BFSP1: variants seen among roughly 807,000 people sequenced by gnomAD.
BFSP1 encodes filensin.
Under a neutral mutation model 43.9 loss-of-function variants are expected in BFSP1, and 38 were observed. That is an observed-to-expected ratio of 0.87 (90% CI 0.67 to 1.14). The LOEUF (loss-of-function observed/expected upper bound fraction) is 1.14. Among genes scored for constraint, BFSP1 ranks in the 50% most tolerant of loss-of-function variants. The probability of loss-of-function intolerance (pLI) is 0.00; values close to 1 mark genes in which losing one functional copy is unlikely to be tolerated. For missense variants in BFSP1, 850 were observed against 875.1 expected (o/e 0.97, Z 0.36); for synonymous variants, 352 against 354.8 (o/e 0.99, Z 0.09).
At chr20:17,554,950 T>TA (rs2034965460) in intron 1 of BFSP1, among the ~76,000 whole-genome samples, 1 of 152,092 alleles carries the variant, frequency 6.6e-6, no homozygotes, top group African/African-American at 2.4e-5. Flanking sequence ...TATAATTAAC[T>TA]AAAAATCACA....
chr20:17,500,016 T>A (rs1351392057), intron 5 of BFSP1, among the ~76,000 whole-genome samples: 1 of 147,638 alleles, frequency 6.8e-6, no homozygotes, highest in Non-Finnish European at 1.5e-5. Flanking sequence ...ATAAATCTGA[T>A]AGCAAAAAAA....
chr20:17,494,122 A>C lies in BFSP1; in HGVS notation c.1950T>G (p.Ile650Met). The C allele has an allele frequency of 6.2e-7, 1 of 1,614,024 alleles. No individual in the cohort carries two copies. Among genetic ancestry groups the C allele is most frequent in the Non-Finnish European group, 8.5e-7 (1 of 1,179,986 alleles). ...EETAVIVETMIGKTKSDKKKS... is the reference protein window; with the variant it reads ...EETAVIVETMMGKTKSDKKKS... ...TCTTCTTGTCTGACTTTGTCTTTCCAATCATGGTCTCCACGATCACAGCGG... is the reference window on the plus strand; with the variant it reads ...TCTTCTTGTCTGACTTTGTCTTTCCCATCATGGTCTCCACGATCACAGCGG... The change falls in exon 8 of 8, where the codon ATT becomes ATG. Residue 650 changes from isoleucine (I) to methionine (M), a missense_variant. By Grantham distance (10) the Ile-to-Met change is conservative (BLOSUM62 1). Coordinates refer to ENST00000377873, the MANE Select transcript of BFSP1 (RefSeq NM_001195.5).
chr20:17,528,228 G>A (rs994248412), intron 1 of BFSP1, among the ~76,000 whole-genome samples: 1 of 152,136 alleles, frequency 6.6e-6, no homozygotes, highest in African/African-American at 2.4e-5. Flanking sequence ...TCTCCAAGGG[G>A]GCAAAGGGAG....
At position 17,496,987 on chromosome 20, in the gene BFSP1, C is replaced by G. The variant is rs1352109190; in HGVS notation, c.993G>C (p.Leu331=). ...TSAFIETPIP[L]FTQSHGVSLS... is the part of the protein sequence containing the mutation. ...GAGAGACTCCATGGCTCTGGGTGAA[C>G]AGGGGAATGGGAGTTTCAATGAAGG... Residue 331 remains leucine, a synonymous_variant, in exon 7 of 8, where the codon CTG becomes CTC. Coordinates refer to ENST00000377873, the MANE Select transcript of BFSP1 (RefSeq NM_001195.5). 1 of 1,543,772 alleles carries G rather than the reference C, an allele frequency of 6.5e-7. No homozygotes were observed. The highest frequency in any genetic ancestry group is 2.5e-5 in the East Asian group (1 of 39,986).
At chr20:17,526,511 T>A (rs1450479036) in intron 1 of BFSP1, among the ~76,000 whole-genome samples, 1 of 152,240 alleles carries the variant, frequency 6.6e-6, no homozygotes, top group Non-Finnish European at 1.5e-5. Flanking sequence ...TTACCTTCCT[T>A]TTTAAGGGTG....
chr20:17,529,105 C>T (rs111584116), intron 1 of BFSP1, among the ~76,000 whole-genome samples: 3,039 of 136,658 alleles, frequency 0.022, 43 homozygotes, highest in Middle Eastern at 0.04. Context: ...CAGAGTCTCA[C>T]TCTGTCACCC....
chr20:17,509,765 C>T (rs6080725), intron 4 of BFSP1, among the ~76,000 whole-genome samples: 46,410 of 152,102 alleles, frequency 0.31, 7,735 homozygotes, highest in African/African-American at 0.42. Context: ...AGGGAAGTGA[C>T]GCTCCAGGGA....
At chr20:17,535,776 A>C (rs1290586823), upstream of BFSP1, among the ~76,000 whole-genome samples, 2 of 152,216 alleles carry the variant, frequency 1.3e-5, no homozygotes, top group African/African-American at 4.8e-5. Context: ...TCACCTTTGC[A>C]GTATAGACAT....
chr20:17,552,587 C>T (rs1600683328), intron 1 of BFSP1, among the ~76,000 whole-genome samples: 1 of 152,118 alleles, frequency 6.6e-6, no homozygotes, highest in African/African-American at 2.4e-5. Context: ...GCCAAGAGAC[C>T]ATTGCAGTAA....
intron 1 of BFSP1, among the ~76,000 whole-genome samples, chr20:17,568,620 G>GA (rs2035150925): frequency 6.6e-6 from 1 of 152,122 alleles, no homozygotes. Context: ...TTTTCCAGGT[G>GA]ATTCTGATGC....
rs2034006658 is a variant in BFSP1, at chr20:17,508,876, G to C, written c.735+13C>G. On this transcript the variant is annotated intron_variant, in intron 5 of 7. Transcript: ENST00000377873. The stretch of plus-strand genomic sequence containing the variant: ...GGGAAGCCCCAATGCACACGCGGCA[G>C]ACTCGAGCGTACCTGTGCCTGCAGC... 11 of 1,559,972 alleles carry C rather than the reference G, an allele frequency of 7.1e-6. No individual in the cohort carries two copies. The highest frequency in any genetic ancestry group is 9.5e-6 in the Non-Finnish European group (11 of 1,155,144).
intron 4 of BFSP1, among the ~76,000 whole-genome samples, chr20:17,509,259 CT>C (rs1356034338): frequency 6.7e-5 from 10 of 148,946 alleles, no homozygotes; most frequent in Admixed American, 6.7e-4. Flanking sequence ...CCCCCACCCC[CT>C]GTCTGTCTGT....
At chr20:17,501,386 GAAAC>G (rs1275933079) in intron 5 of BFSP1, among the ~76,000 whole-genome samples, 4 of 152,162 alleles carry the variant, frequency 2.6e-5, no homozygotes, top group Non-Finnish European at 4.4e-5. Flanking sequence ...CCAACATGGT[GAAAC>G]ACCATCTCTA....
At chr20:17,502,422 C>T (rs990519738) in intron 5 of BFSP1, among the ~76,000 whole-genome samples, 1 of 152,168 alleles carries the variant, frequency 6.6e-6, no homozygotes, top group East Asian at 1.9e-4. Context: ...CAAAGCATCA[C>T]GGTCATGGAA....
At chr20:17,549,694 G>A (rs1251251341) in intron 1 of BFSP1, among the ~76,000 whole-genome samples, 5 of 152,086 alleles carry the variant, frequency 3.3e-5, no homozygotes, top group Non-Finnish European at 2.9e-5. Context: ...AAACTAGCCT[G>A]GCGTGGTGGC....
chr20:17,495,429 C>T (rs568197366), intron 7 of BFSP1, among the ~76,000 whole-genome samples: 3 of 152,332 alleles, frequency 2.0e-5, no homozygotes, highest in East Asian at 3.9e-4. Context: ...TCCACAGAAG[C>T]CCATTCCTCA....
chr20:17,512,097 A>C, intron 3 of BFSP1, 29 bp from the exon 4 acceptor site: 1 of 1,552,204 alleles, frequency 6.4e-7, no homozygotes, highest in Non-Finnish European at 8.9e-7. Flanking sequence ...CATTCTCATT[A>C]TAAGTTGAGC....
chr20:17,545,979 A>C (rs1406867514), intron 1 of BFSP1, among the ~76,000 whole-genome samples: 1 of 152,026 alleles, frequency 6.6e-6, no homozygotes, highest in African/African-American at 2.4e-5. Flanking sequence ...CTTCCAATAA[A>C]CTATCTCGTC....
chr20:17,557,465 CT>C (rs1424724634), intron 1 of BFSP1, among the ~76,000 whole-genome samples: 50 of 152,246 alleles, frequency 3.3e-4, no homozygotes, highest in East Asian at 1.9e-4. Context: ...CTCTGCCCCC[CT>C]ATGTCCCCTA....
Sources: allele counts gnomAD v4.1 joint callset (sites outside exome capture counted in the v4.1 genomes callset), GRCh38; gene constraint gnomAD v4.1.1; transcripts MANE v1.5; gene names NCBI Gene and HGNC (gene_info 2026-07-23, HGNC 2026-07-21).